Variants in BPNT2 observed in about 807,000 individuals in gnomAD.
BPNT2 encodes the protein Golgi-resident adenosine 3',5'-bisphosphate 3'-phosphatase.
Under a neutral mutation model 29.3 loss-of-function variants are expected in BPNT2, and 11 were observed. The observed-to-expected ratio is 0.38, with a 90% CI of 0.24 to 0.62. The LOEUF (loss-of-function observed/expected upper bound fraction) is 0.62. Ranked by LOEUF, BPNT2 falls within the 20% of genes least tolerant of loss-of-function variation. The pLI is 0.62. For synonymous variants in BPNT2, 195 were observed against 187.7 expected (o/e 1.04, Z -0.32); for missense variants, 459 against 473.4 (o/e 0.97, Z 0.28).
At chr8:56,985,000 GA>G (rs1156522694) in intron 1 of BPNT2, among the ~76,000 whole-genome samples, 1 of 151,674 alleles carries the variant, frequency 6.6e-6, no homozygotes, top group Admixed American at 6.6e-5. Context: ...ATCTCTGCAT[GA>G]CATCCTGGTT....
rs1415649737 is a variant in BPNT2 at position 56,959,944 on chromosome 8, T to C, written c.*3849A>G. 1 of 152,224 alleles carries C rather than the reference T, an allele frequency of 6.6e-6. No homozygotes were observed. The highest frequency in any genetic ancestry group is 1.5e-5 in the Non-Finnish European group (1 of 68,046). The allele number at this position is 152,224 out of a possible 1,614,324, so 9.4% of individuals were successfully genotyped here. On this transcript the variant is annotated 3_prime_UTR_variant, in exon 5 of 5. Transcript: ENST00000262644. ...TTTTTTTAGATTAAAAATGAAACCA[T>C]AGATTAGGTTTATTTTATACAACAG...
chr8:56,988,492 T>C (rs1230833050), intron 1 of BPNT2, among the ~76,000 whole-genome samples: 2 of 152,230 alleles, frequency 1.3e-5, no homozygotes, highest in Middle Eastern at 3.2e-3. Flanking sequence ...ACAAACTTAG[T>C]ACAGTGCTTA....
chr8:56,983,618 G>A (rs1418117151), intron 1 of BPNT2, among the ~76,000 whole-genome samples: 3 of 152,150 alleles, frequency 2.0e-5, no homozygotes, highest in Admixed American at 1.3e-4. Context: ...GGGGAGAGGA[G>A]CAAGTGGGGA....
At chr8:56,969,294 G>A (rs1805996194) in intron 3 of BPNT2, among the ~76,000 whole-genome samples, 2 of 152,200 alleles carry the variant, frequency 1.3e-5, no homozygotes, top group African/African-American at 2.4e-5. Flanking sequence ...CAAGACTATA[G>A]ACAAAGTTGT....
intron 1 of BPNT2, among the ~76,000 whole-genome samples, chr8:56,991,944 CTG>C (rs2129207203): frequency 6.6e-6 from 1 of 151,620 alleles, no homozygotes; most frequent in East Asian, 1.9e-4. Context: ...TGGAAATATT[CTG>C]TGTTTTAAGT....
At chr8:56,982,368 G>A (rs578142788) in intron 1 of BPNT2, among the ~76,000 whole-genome samples, 24 of 152,220 alleles carry the variant, frequency 1.6e-4, no homozygotes, top group African/African-American at 5.8e-4. Flanking sequence ...TGATCTGCCC[G>A]CCTCGGCCTC....
At chr8:56,983,059 G>A (rs1381581144) in intron 1 of BPNT2, among the ~76,000 whole-genome samples, 1 of 152,148 alleles carries the variant, frequency 6.6e-6, no homozygotes, top group African/African-American at 2.4e-5. Context: ...CCGATTAGTG[G>A]TTGCCTGGGA....
chr8:56,971,795 C>A (rs1441492454), intron 3 of BPNT2, among the ~76,000 whole-genome samples: 4 of 143,662 alleles, frequency 2.8e-5, no homozygotes, highest in Admixed American at 6.9e-5. Flanking sequence ...CCCCCCCCCA[C>A]AATGCTACTG....
chr8:56,977,406 A>T (rs1412209160), intron 3 of BPNT2, among the ~76,000 whole-genome samples: 1 of 152,100 alleles, frequency 6.6e-6, no homozygotes, highest in Non-Finnish European at 1.5e-5. Flanking sequence ...CCACCTTCAC[A>T]TCATCTTATC....
chr8:56,962,675 A>C lies in BPNT2; in HGVS notation c.*1118T>G, dbSNP rs971976992. 1 of 152,192 alleles carries C rather than the reference A, an allele frequency of 6.6e-6. No homozygotes were observed. The highest frequency in any genetic ancestry group is 1.5e-5 in the Non-Finnish European group (1 of 68,028). The allele number at this position is 152,192 out of a possible 1,614,324, so 9.4% of individuals were successfully genotyped here. ...CCTTCTCTATTTTAATCTGAGGGGA[A>C]ATTAAGAGAATCTCAAAAGTTACTA... is the stretch of plus-strand genomic sequence containing the variant. On this transcript the variant is annotated 3_prime_UTR_variant, in exon 5 of 5. Transcript: ENST00000262644.
chr8:56,970,037 A>G (rs1806006356), intron 3 of BPNT2, among the ~76,000 whole-genome samples: 1 of 152,242 alleles, frequency 6.6e-6, no homozygotes, highest in East Asian at 1.9e-4. Context: ...TCATGCTAAT[A>G]TATGTAGAAA....
chr8:56,961,852 A>G lies in BPNT2; in HGVS notation c.*1941T>C, dbSNP rs1805843304. 2.0e-5 allele frequency: 3 copies of G among 152,182 alleles called. No homozygotes were observed. The highest frequency in any genetic ancestry group is 2.1e-4 in the South Asian group (1 of 4,826). The allele number at this position is 152,182 out of a possible 1,614,324, so 9.4% of individuals were successfully genotyped here. On this transcript the variant is annotated 3_prime_UTR_variant, in exon 5 of 5. Coordinates refer to ENST00000262644, the MANE Select transcript of BPNT2 (RefSeq NM_017813.5). ...TGAAACTCTGTCTCGAAAAAATAAA[A>G]TAATTCCTGCTAATATGAACTAGTT...
At chr8:56,971,868 G>T (rs1427753115) in intron 3 of BPNT2, among the ~76,000 whole-genome samples, 1 of 150,928 alleles carries the variant, frequency 6.6e-6, no homozygotes, top group Non-Finnish European at 1.5e-5. Context: ...GGCTGAGGAG[G>T]GCGGATCATG....
chr8:56,988,699 A>G (rs1231109461), intron 1 of BPNT2, among the ~76,000 whole-genome samples: 1 of 152,182 alleles, frequency 6.6e-6, no homozygotes, highest in Non-Finnish European at 1.5e-5. Flanking sequence ...TTCAGTTCAG[A>G]TGTTTCTTCA....
At chr8:56,967,623 T>G (rs1805972880) in intron 3 of BPNT2, among the ~76,000 whole-genome samples, 2 of 152,038 alleles carry the variant, frequency 1.3e-5, no homozygotes, top group African/African-American at 2.4e-5. Flanking sequence ...GCTTGAAACT[T>G]GGCAACAAAG....
In BPNT2 at chr8:56,963,611, A is replaced by G; in HGVS notation, c.*182T>C. 1 of 623,976 alleles carries G rather than the reference A, an allele frequency of 1.6e-6. No individual in the cohort carries two copies. The highest frequency in any genetic ancestry group is 2.7e-5 in the East Asian group (1 of 37,222). 38.7% of individuals were successfully genotyped at this position (623,976 alleles called of 1,614,324 possible). On this transcript the variant is annotated 3_prime_UTR_variant, in exon 5 of 5. Transcript: ENST00000262644. ...AAAGACAATACTTGAGACACAAAGC[A>G]ACCCATTTTCCCTGATTTTGCATTC...
intron 3 of BPNT2, among the ~76,000 whole-genome samples, chr8:56,971,782 A>AACCC (rs1806037005): frequency 3.8e-5 from 4 of 104,170 alleles, no homozygotes; most frequent in Non-Finnish European, 3.9e-5. Flanking sequence ...ATTTTGTACC[A>AACCC]CCCCCCCCCC....
Position 56,980,155 on chromosome 8 carries a change from TAA to T in BPNT2, c.428_429del (p.Val143AspfsTer6). 1 of 1,613,810 alleles carries T rather than the reference TAA, an allele frequency of 6.2e-7. No individual in the cohort carries two copies. The highest frequency in any genetic ancestry group is 8.5e-7 in the Non-Finnish European group (1 of 1,179,752). ...EEHVDAADQE[V>X]ILWDHKIPED... Reference sequence around the variant, plus strand: ...TCAGGAATCTTATGATCCCACAAGATAACCTCCTGATCAGCTGCATCCACGTG... The same window carrying T: ...TCAGGAATCTTATGATCCCACAAGATCCTCCTGATCAGCTGCATCCACGTG... On this transcript the variant is annotated frameshift_variant, in exon 2 of 5. Coordinates refer to ENST00000262644, the MANE Select transcript of BPNT2 (RefSeq NM_017813.5). LOFTEE classifies it high-confidence loss of function.
Position 56,993,436 on chromosome 8 carries a change from C to G in BPNT2, c.150G>C (p.Ala50=). ...CCCCATCGGCCGCGGCCGCGGGCCC[C>G]GCCGCGCCGCCGCCAGGCTCGCCGC... ...GLGGEPGGGA[A]GPAAAADGGT... Residue 50 remains alanine (A), a synonymous_variant, in exon 1 of 5, where the codon GCG becomes GCC. Coordinates refer to ENST00000262644, the MANE Select transcript of BPNT2 (RefSeq NM_017813.5). 2 of 1,478,696 alleles carry G rather than the reference C, an allele frequency of 1.4e-6. No individual in the cohort carries two copies. Among genetic ancestry groups the G allele is most frequent in the Non-Finnish European group, 8.9e-7 (1 of 1,119,872 alleles). 91.6% of individuals were successfully genotyped at this position (1,478,696 alleles called of 1,614,324 possible). A position where few individuals can be genotyped will look rare whatever the true frequency, so the allele number is the denominator to read the frequency against.
Sources: allele counts gnomAD v4.1 joint callset (sites outside exome capture counted in the v4.1 genomes callset), GRCh38; gene constraint gnomAD v4.1.1; transcripts MANE v1.5; gene names NCBI Gene and HGNC (gene_info 2026-07-23, HGNC 2026-07-21).